The following STX1A variants were observed in gnomAD, a reference collection of about 807,000 sequenced individuals.
STX1A encodes the protein syntaxin 1A, also known as syntaxin-1A.
In STX1A, 4 loss-of-function variants were observed where a neutral mutation model predicts 37.8. The ratio of observed to expected loss-of-function variants is 0.11; its 90% CI spans 0.05 to 0.24. The LOEUF (loss-of-function observed/expected upper bound fraction) is 0.24, where lower values mean the gene tolerates loss of function less well. Ranked by LOEUF, STX1A falls within the 10% of genes least tolerant of loss-of-function variation. The probability of loss-of-function intolerance (pLI) is 1.00; values close to 1 mark genes in which losing one functional copy is unlikely to be tolerated. For synonymous variants in STX1A, 135 were observed against 147.4 expected (o/e 0.92, Z 0.61); for missense variants, 251 against 399.9 (o/e 0.63, Z 3.18).
At position 73,717,038 on chromosome 7, in the gene STX1A, G is replaced by A. The variant is rs1489782491; in HGVS notation, c.30+2564C>T. On this transcript the variant is annotated intron_variant, in intron 1 of 9. Transcript: ENST00000222812. The surrounding 1 kb of genome is among the most constrained non-coding windows in gnomAD (Gnocchi z 4.1). ...CCTTCACTCCCCATCTGCAGAGGGA[G>A]AGTTGGGAGCTGGAGAAGGCTGGAG... Among the ~76,000 whole-genome samples, 1 of 152,232 alleles carries A rather than the reference G, an allele frequency of 6.6e-6. No individual in the cohort carries two copies. Among genetic ancestry groups the A allele is most frequent in the Non-Finnish European group, 1.5e-5 (1 of 68,038 alleles).
intron 6 of STX1A, 39 bp from the exon 7 acceptor site, chr7:73,703,867 C>T: frequency 1.3e-6 from 2 of 1,598,544 alleles, no homozygotes; most frequent in African/African-American, 1.3e-5. Context: ...CAGCCCTCTT[C>T]GGGGAGTTCA....
rs1563567953 is a variant in STX1A at position 73,702,447 on chromosome 7, C to T, written c.678+398G>A. The T allele has an allele frequency of 1.3e-5, 5 of 372,416 alleles. No individual in the cohort carries two copies. The highest frequency in any genetic ancestry group is 2.1e-5 in the African/African-American group (1 of 48,282). 23.1% of individuals were successfully genotyped at this position (372,416 alleles called of 1,614,324 possible). On this transcript the variant is annotated intron_variant, in intron 8 of 9. Coordinates refer to ENST00000222812, the MANE Select transcript of STX1A (RefSeq NM_004603.4). The surrounding 1 kb of genome is among the most constrained non-coding windows in gnomAD (Gnocchi z 4.7). ...AGTTTGAGCCCCACTGGAGAACCTT[C>T]GATTTGTTCTTAGGCAACTCTTTTG... is the stretch of plus-strand genomic sequence containing the variant.
chr7:73,703,595 C>T, intron 7 of STX1A, 160 bp downstream of exon 7: 2 of 876,214 alleles, frequency 2.3e-6, no homozygotes, highest in South Asian at 2.8e-5. Flanking sequence ...ATTTATGTGA[C>T]CTCAGCCTGG....
chr7:73,700,499 G>A lies in STX1A; in HGVS notation c.790-15C>T, dbSNP rs45549734. On this transcript the variant is annotated splice_polypyrimidine_tract_variant and intron_variant, in intron 9 of 9. Transcript: ENST00000222812. The surrounding 1 kb of genome is among the most constrained non-coding windows in gnomAD (Gnocchi z 4.4). ...ATGATTTTCTTCTGCATGGGAAGCG[G>A]GCAGGAGAGGCCTCAGACAGTGTTG... 22,801 of 1,613,508 alleles carry A rather than the reference G, an allele frequency of 0.014. 245 individuals carry two copies. Among genetic ancestry groups the A allele is most frequent in the Non-Finnish European group, 0.014 (16,559 of 1,179,758 alleles).
chr7:73,708,729 G>A (rs1554617476), intron 2 of STX1A, 41 bp from the exon 3 acceptor site: 1 of 1,594,840 alleles, frequency 6.3e-7, no homozygotes, highest in Non-Finnish European at 8.6e-7. Flanking sequence ...GGAAATCAGG[G>A]GAGAAGCCTT....
intron 7 of STX1A, among the ~76,000 whole-genome samples, 162 bp from the exon 8 acceptor site, chr7:73,703,144 A>G (rs1360074287): frequency 1.3e-5 from 2 of 152,168 alleles, no homozygotes; most frequent in Non-Finnish European, 2.9e-5. Flanking sequence ...GCTCTGCCAC[A>G]TGCTAGCTGT....
At chr7:73,714,110 C>CT (rs1319851232) in intron 1 of STX1A, among the ~76,000 whole-genome samples, 11,403 of 142,660 alleles carry the variant, frequency 0.08, 965 homozygotes, top group African/African-American at 0.21. Context: ...TGTCCTGGCA[C>CT]TTTTTTTTTT....
In STX1A at chr7:73,717,326, T is replaced by C. The variant is rs1554618851; in HGVS notation, c.30+2276A>G. The stretch of plus-strand genomic sequence containing the variant: ...CCCAGTCCAGCCCAGTCCAGCCCAG[T>C]CCAGCTCAGCCAGTGCTGGCCTCTT... On this transcript the variant is annotated intron_variant, in intron 1 of 9. Transcript: ENST00000222812. The surrounding 1 kb of genome is among the most constrained non-coding windows in gnomAD (Gnocchi z 4.1). Among the ~76,000 whole-genome samples the C allele has an allele frequency of 1.3e-5, 2 of 152,048 alleles. No homozygotes were observed. Among genetic ancestry groups the C allele is most frequent in the Non-Finnish European group, 2.9e-5 (2 of 67,984 alleles).
rs781985666 is a variant in STX1A, at chr7:73,706,926, C to T, written c.208+1663G>A. Among the ~76,000 whole-genome samples the T allele has an allele frequency of 3.7e-4, 56 of 152,352 alleles. No individual in the cohort carries two copies. Among genetic ancestry groups the T allele is most frequent in the Non-Finnish European group, 6.8e-4 (46 of 68,036 alleles). On this transcript the variant is annotated intron_variant, in intron 3 of 9. Coordinates refer to ENST00000222812, the MANE Select transcript of STX1A (RefSeq NM_004603.4). This position sits in a 1 kb window ranked among gnomAD's most constrained non-coding sequence, Gnocchi z 4.6. ...GCCCTTCCTGAGGCAGTCCACCCTG[C>T]TCCCACCTGACCCATTTTGCCTTCT...
At chr7:73,710,810 G>T (rs2116760225) in intron 1 of STX1A, among the ~76,000 whole-genome samples, 1 of 152,356 alleles carries the variant, frequency 6.6e-6, no homozygotes, top group East Asian at 1.9e-4. Flanking sequence ...CTCGCGTCAG[G>T]ACGGAGGCAG....
intron 7 of STX1A, 109 bp from the exon 8 acceptor site, chr7:73,703,091 G>C: frequency 1.1e-6 from 1 of 935,522 alleles, no homozygotes; most frequent in Non-Finnish European, 1.6e-6. Flanking sequence ...AAGGGGGCCT[G>C]AGGCTTCCTC....
chr7:73,709,227 C>A lies in STX1A; in HGVS notation c.31-105G>T. On this transcript the variant is annotated intron_variant, in intron 1 of 9. Coordinates refer to ENST00000222812, the MANE Select transcript of STX1A (RefSeq NM_004603.4). This position sits in a 1 kb window ranked among gnomAD's most constrained non-coding sequence, Gnocchi z 4.2. ...CAGGGCCCTGCCCCTCCCCCTCTCCCTGGGGGCCTCTGGGCAGGGACAAGA... is the reference window on the plus strand; with the variant it reads ...CAGGGCCCTGCCCCTCCCCCTCTCCATGGGGGCCTCTGGGCAGGGACAAGA... The A allele has an allele frequency of 9.1e-7, 1 of 1,096,088 alleles. No homozygotes were observed. Among genetic ancestry groups the A allele is most frequent in the East Asian group, 2.4e-5 (1 of 41,128 alleles). 67.9% of individuals were successfully genotyped at this position (1,096,088 alleles called of 1,614,324 possible). A position where few individuals can be genotyped will look rare whatever the true frequency, so the allele number is the denominator to read the frequency against.
rs1055330994 is a variant in STX1A at position 73,717,508 on chromosome 7, G to A, written c.30+2094C>T. 6.6e-6 allele frequency among the ~76,000 whole-genome samples: 1 copy of A among 152,134 alleles called. No homozygotes were observed. Among genetic ancestry groups the A allele is most frequent in the African/African-American group, 2.4e-5 (1 of 41,426 alleles). ...CCCACTTCACAGATGGGAACCCTAGGTCCAGAGGGAAAGCAGCCTGTGGGA... is the reference window on the plus strand; with the variant it reads ...CCCACTTCACAGATGGGAACCCTAGATCCAGAGGGAAAGCAGCCTGTGGGA... On this transcript the variant is annotated intron_variant, in intron 1 of 9. Transcript: ENST00000222812. The surrounding 1 kb of genome is among the most constrained non-coding windows in gnomAD (Gnocchi z 4.1).
In STX1A at chr7:73,706,957, C is replaced by T. The variant is rs146579390; in HGVS notation, c.208+1632G>A. Among the ~76,000 whole-genome samples the T allele has an allele frequency of 1.5e-3, 235 of 152,264 alleles. 1 individual carries two copies. The highest frequency in any genetic ancestry group is 7.9e-3 in the South Asian group (38 of 4,816). ...CCTGACCCATTTTGCCTTCTGAGGG[C>T]GGGGCACTGGCTTAGTTGGTGTGGC... On this transcript the variant is annotated intron_variant, in intron 3 of 9. Transcript: ENST00000222812. The surrounding 1 kb of genome is among the most constrained non-coding windows in gnomAD (Gnocchi z 4.6).
At position 73,717,457 on chromosome 7, in the gene STX1A, G is replaced by T. The variant is rs906403701; in HGVS notation, c.30+2145C>A. 6.6e-6 allele frequency among the ~76,000 whole-genome samples: 1 copy of T among 152,180 alleles called. No homozygotes were observed. Among genetic ancestry groups the T allele is most frequent in the Non-Finnish European group, 1.5e-5 (1 of 68,020 alleles). ...CCTGTAGCCCTGCTTCTCGTCCCGAGAAACTGAATTCTAGGCTTTCCCATC... is the reference window on the plus strand; with the variant it reads ...CCTGTAGCCCTGCTTCTCGTCCCGATAAACTGAATTCTAGGCTTTCCCATC... On this transcript the variant is annotated intron_variant, in intron 1 of 9. Transcript: ENST00000222812. This position sits in a 1 kb window ranked among gnomAD's most constrained non-coding sequence, Gnocchi z 4.1.
intron 8 of STX1A, among the ~76,000 whole-genome samples, chr7:73,701,655 G>A (rs1258146301): frequency 2.0e-5 from 3 of 152,122 alleles, no homozygotes; most frequent in African/African-American, 4.8e-5. Flanking sequence ...CTCCTAGGGC[G>A]TGTCTCCCTC....
At position 73,700,899 on chromosome 7, in the gene STX1A, C is replaced by T; in HGVS notation, c.679-59G>A. On this transcript the variant is annotated intron_variant, in intron 8 of 9. Coordinates refer to ENST00000222812, the MANE Select transcript of STX1A (RefSeq NM_004603.4). This position sits in a 1 kb window ranked among gnomAD's most constrained non-coding sequence, Gnocchi z 4.4. The stretch of plus-strand genomic sequence containing the variant: ...CCCCCTCCTCAGGGTTGGGTTGGGG[C>T]TCGGGGCAGGACTTCAGGAAAGCAC... 1.2e-6 allele frequency: 2 copies of T among 1,603,184 alleles called. No individual in the cohort carries two copies. The highest frequency in any genetic ancestry group is 1.7e-6 in the Non-Finnish European group (2 of 1,178,034).
rs1011468909 is a variant in STX1A at position 73,699,709 on chromosome 7, G to A, written c.*698C>T. On this transcript the variant is annotated 3_prime_UTR_variant, in exon 10 of 10. Coordinates refer to ENST00000222812, the MANE Select transcript of STX1A (RefSeq NM_004603.4). ...AGCCTGCTTTGCCTCCCTAGCTGCT[G>A]GGGTGGCTGGAAATAGGGCACCAGC... 1 of 152,940 alleles carries A rather than the reference G, an allele frequency of 6.5e-6. No homozygotes were observed. The highest frequency in any genetic ancestry group is 1.5e-5 in the Non-Finnish European group (1 of 68,490). The allele number at this position is 152,940 out of a possible 1,614,324, so 9.5% of individuals were successfully genotyped here.
rs1168941957 is a variant in STX1A, at chr7:73,717,300, C to CCCCAGTCCAG, written c.30+2292_30+2301dup. Among the ~76,000 whole-genome samples the CCCCAGTCCAG allele has an allele frequency of 9.2e-5, 14 of 152,188 alleles. No homozygotes were observed. Among genetic ancestry groups the CCCCAGTCCAG allele is most frequent in the East Asian group, 1.9e-4 (1 of 5,172 alleles). Reference sequence around the variant, plus strand: ...GTTCAGCCCAGCCCAGCCCAGCCCGCCCCAGTCCAGCCCAGTCCAGCCCAG... The same window carrying CCCCAGTCCAG: ...GTTCAGCCCAGCCCAGCCCAGCCCGCCCCAGTCCAGCCCAGTCCAGCCCAGTCCAGCCCAG... On this transcript the variant is annotated intron_variant, in intron 1 of 9. Coordinates refer to ENST00000222812, the MANE Select transcript of STX1A (RefSeq NM_004603.4). The surrounding 1 kb of genome is among the most constrained non-coding windows in gnomAD (Gnocchi z 4.1).
Sources: allele counts gnomAD v4.1 joint callset (sites outside exome capture counted in the v4.1 genomes callset), GRCh38; gene constraint gnomAD v4.1.1; non-coding constraint Gnocchi (gnomAD v3.1); transcripts MANE v1.5; gene names NCBI Gene and HGNC (gene_info 2026-07-23, HGNC 2026-07-21).